Variants in COA1 observed in about 807,000 individuals in gnomAD.
COA1 encodes cytochrome c oxidase assembly factor 1.
COA1 carries 13 observed loss-of-function variants against 16.0 expected under a neutral mutation model. The ratio of observed to expected loss-of-function variants is 0.81; its 90% CI spans 0.53 to 1.29. COA1 has a LOEUF of 1.29. Ranked by LOEUF, COA1 falls within the 50% of genes most tolerant of loss-of-function variation. The pLI, the probability that COA1 is intolerant of heterozygous loss-of-function variation, is 0.00. For missense variants in COA1, 179 were observed against 177.0 expected (o/e 1.01, Z -0.06); for synonymous variants, 65 against 65.7 (o/e 0.99, Z 0.05).
In COA1 at chr7:43,708,757, T is replaced by C. The variant is rs562169760; in HGVS notation, c.-39+20672A>G. 3.3e-5 allele frequency among the ~76,000 whole-genome samples: 5 copies of C among 152,270 alleles called. No homozygotes were observed. In the South Asian group the frequency reaches 1.0e-3, roughly 32 times the overall value. ...TGTCTTTTTCTCTCTTATCTTTTAT[T>C]ACCATTATTCTACTGGCCTTTTTCT... On this transcript the variant is annotated intron_variant, in intron 1 of 5. Transcript: ENST00000223336.
intron 1 of COA1, among the ~76,000 whole-genome samples, chr7:43,669,569 A>G (rs974440493): frequency 8.6e-5 from 13 of 152,032 alleles, no homozygotes; most frequent in African/African-American, 3.1e-4. Context: ...TGCCTGGTCA[A>G]ACCAATCCCC....
rs1379782453 is a variant in COA1 at position 43,716,246 on chromosome 7, G to T, written c.-39+13183C>A. Among the ~76,000 whole-genome samples, 3 of 152,198 alleles carry T rather than the reference G, an allele frequency of 2.0e-5. No homozygotes were observed. In the East Asian group the frequency reaches 5.8e-4, roughly 29 times the overall value. On this transcript the variant is annotated intron_variant, in intron 1 of 5. Transcript: ENST00000223336. Reference sequence around the variant, plus strand: ...GAACAGTTTGGAGGGCTCAAAAGAAGACACGAAAATGTGGGAAGGTTTGGA... The same window carrying T: ...GAACAGTTTGGAGGGCTCAAAAGAATACACGAAAATGTGGGAAGGTTTGGA...
intron 1 of COA1, among the ~76,000 whole-genome samples, chr7:43,714,639 A>C (rs2095345033): frequency 6.6e-6 from 1 of 151,928 alleles, no homozygotes; most frequent in Non-Finnish European, 1.5e-5. Context: ...CAAAAAAAAA[A>C]AAAATTATAT....
intron 6 of COA1, chr7:43,624,832 T>G (rs2084324736): frequency 6.3e-7 from 1 of 1,599,976 alleles, no homozygotes; most frequent in Non-Finnish European, 8.5e-7. Flanking sequence ...CCAGGAGAAT[T>G]TATCTACTGA....
chr7:43,628,725 T>C (rs973227103), intron 6 of COA1, among the ~76,000 whole-genome samples: 5 of 152,222 alleles, frequency 3.3e-5, no homozygotes, highest in African/African-American at 1.2e-4. Context: ...TCATGTCCTT[T>C]TTTCCTTTTA....
chr7:43,699,836 T>G (rs1279409801), intron 1 of COA1, among the ~76,000 whole-genome samples: 1 of 152,122 alleles, frequency 6.6e-6, no homozygotes, highest in Non-Finnish European at 1.5e-5. Context: ...TGAGGCATGA[T>G]TAGAGTCAGT....
chr7:43,728,347 T>G (rs532279163), intron 1 of COA1, among the ~76,000 whole-genome samples: 1 of 101,854 alleles, frequency 9.8e-6, no homozygotes, highest in Non-Finnish European at 1.8e-5. Context: ...TGAAGACTTT[T>G]GTTTTGTGTT....
At chr7:43,619,473 A>C in intron 6 of COA1, 2 of 1,232,530 alleles carry the variant, frequency 1.6e-6, no homozygotes, top group Admixed American at 2.3e-5. Context: ...TTCTTTAACA[A>C]ATGACTGTTT....
chr7:43,712,941 G>A (rs2095295411), intron 1 of COA1, among the ~76,000 whole-genome samples: 1 of 151,692 alleles, frequency 6.6e-6, no homozygotes. Flanking sequence ...ACATATATAT[G>A]GTTTTTTTGT....
intron 1 of COA1, among the ~76,000 whole-genome samples, chr7:43,706,063 GC>G (rs1360329002): frequency 2.6e-5 from 4 of 152,042 alleles, no homozygotes; most frequent in African/African-American, 9.7e-5. Flanking sequence ...CTTCCTAGCT[GC>G]CTCTAGATAG....
At chr7:43,679,580 T>G (rs983422747) in intron 1 of COA1, among the ~76,000 whole-genome samples, 1 of 152,198 alleles carries the variant, frequency 6.6e-6, no homozygotes, top group Non-Finnish European at 1.5e-5. Flanking sequence ...AACATCACAC[T>G]GCTTTTCTCA....
chr7:43,619,064 A>G (rs1216990526), intron 6 of COA1, among the ~76,000 whole-genome samples: 1 of 152,224 alleles, frequency 6.6e-6, no homozygotes, highest in Non-Finnish European at 1.5e-5. Context: ...GAATTTCAAC[A>G]ATACAAGGAT....
intron 1 of COA1, among the ~76,000 whole-genome samples, chr7:43,728,367 T>C (rs1268296633): frequency 2.0e-5 from 3 of 152,084 alleles, no homozygotes; most frequent in Non-Finnish European, 2.9e-5. Flanking sequence ...TTTGTTTTGT[T>C]TTCATTTTAT....
At position 43,647,635 on chromosome 7, in the gene COA1, C is replaced by T; in HGVS notation, c.16-1G>A. The T allele has an allele frequency of 6.2e-7, 1 of 1,608,638 alleles. No homozygotes were observed. Among genetic ancestry groups the T allele is most frequent in the African/African-American group, 1.3e-5 (1 of 74,912 alleles). On this transcript the variant is annotated splice_acceptor_variant, in intron 2 of 5. Coordinates refer to ENST00000223336, the MANE Select transcript of COA1 (RefSeq NM_018224.4). LOFTEE classifies it high-confidence loss of function. ...GCATTGACCGCCTGCTTCCTGCATA[C>T]TTAAAAACAAAAGATACAAATTTAT...
intron 1 of COA1, chr7:43,657,182 C>T (rs996267026): frequency 2.0e-5 from 3 of 152,252 alleles, no homozygotes; most frequent in African/African-American, 7.2e-5. Flanking sequence ...TAGCACCCAT[C>T]CCATAAAGCT....
intron 6 of COA1, among the ~76,000 whole-genome samples, chr7:43,616,612 G>A (rs936532068): frequency 7.9e-5 from 12 of 152,174 alleles, no homozygotes; most frequent in African/African-American, 2.4e-4. Flanking sequence ...AAGAGGGACC[G>A]TCTGGCCGGG....
At chr7:43,649,131 A>AT (rs1168384639) in intron 1 of COA1, 2 of 154,650 alleles carry the variant, frequency 1.3e-5, no homozygotes, top group African/African-American at 4.8e-5. Flanking sequence ...GTCTCTGACT[A>AT]TTATGTGTCT....
chr7:43,649,802 G>A (rs2090386404), intron 1 of COA1: 1 of 152,350 alleles, frequency 6.6e-6, no homozygotes. Flanking sequence ...GAAGGGATGG[G>A]GATGGTTGTC....
chr7:43,660,929 T>TA (rs904478488), intron 1 of COA1, among the ~76,000 whole-genome samples: 1 of 152,202 alleles, frequency 6.6e-6, no homozygotes, highest in African/African-American at 2.4e-5. Context: ...TACACGGTCT[T>TA]ACTGCCCAGT....
Sources: gnomAD v4.1 joint callset for allele counts (sites outside exome capture counted in the v4.1 genomes callset) on GRCh38, gnomAD v4.1.1 for gene constraint, MANE v1.5 for transcripts, NCBI Gene and HGNC (gene_info 2026-07-23, HGNC 2026-07-21) for gene names.